Variants in MAGI1 observed in about 807,000 individuals in gnomAD.
MAGI1 encodes the protein membrane associated guanylate kinase, WW and PDZ domain containing 1, also known as membrane-associated guanylate kinase, WW and PDZ domain-containing protein 1.
MAGI1 carries 58 observed loss-of-function variants against 139.9 expected under a neutral mutation model. The ratio of observed to expected loss-of-function variants is 0.41; its 90% confidence interval spans 0.34 to 0.52. The LOEUF is 0.52. MAGI1 is among the 20% of genes least tolerant of loss of function. MAGI1 has a pLI of 0.12. For synonymous variants in MAGI1, 812 were observed against 737.9 expected (o/e 1.10, Z -1.63); for missense variants, 1,874 against 1,901.6 (o/e 0.99, Z 0.27).
Position 66,001,589 on chromosome 3 carries a change from C to T in MAGI1, c.313+36407G>A, listed in dbSNP as rs535379835. On this transcript the variant is annotated intron_variant, in intron 1 of 22. Coordinates refer to ENST00000402939, the MANE Select transcript of MAGI1 (RefSeq NM_001033057.2). The stretch of plus-strand genomic sequence containing the variant: ...TATCCCTGTTTTATACAGGGGGAAA[C>T]TGAGGCTCAGACAGGTTACATAACA... 2.6e-5 allele frequency among the ~76,000 whole-genome samples: 4 copies of T among 152,268 alleles called. No homozygotes were observed. In the East Asian group the frequency reaches 5.8e-4, roughly 22 times the overall value.
At position 65,501,453 on chromosome 3, in the gene MAGI1, C is replaced by CAAAAAAAA. The variant is rs35967662; in HGVS notation, c.431-7830_431-7823dup. Among the ~76,000 whole-genome samples, 33 of 80,570 alleles carry CAAAAAAAA rather than the reference C, an allele frequency of 4.1e-4. 1 individual carries two copies. The highest frequency in any genetic ancestry group is 1.7e-3 in the South Asian group (3 of 1,772). The allele number at this position is 80,570 out of a possible 152,430, so 52.9% of individuals were successfully genotyped here. ...TGGGCAACATAGCGAGACTCTGTCT[C>CAAAAAAAA]AAAAAAAAAAAAAAAAAAAAAATTT... On this transcript the variant is annotated intron_variant, in intron 2 of 22. Transcript: ENST00000402939.
chr3:65,776,265 G>A (rs1263551358), intron 1 of MAGI1, among the ~76,000 whole-genome samples: 1 of 107,760 alleles, frequency 9.3e-6, no homozygotes, highest in Non-Finnish European at 2.0e-5. Context: ...TTTTTTTTAT[G>A]GCTTCTGAAT....
intron 9 of MAGI1, among the ~76,000 whole-genome samples, chr3:65,437,967 T>A (rs1403996332): frequency 6.6e-6 from 1 of 152,182 alleles, no homozygotes; most frequent in Non-Finnish European, 1.5e-5. Flanking sequence ...ACACTGTCGA[T>A]GAGAATGTAA....
chr3:65,846,401 G>A (rs2058996006), intron 1 of MAGI1, among the ~76,000 whole-genome samples: 1 of 152,200 alleles, frequency 6.6e-6, no homozygotes, highest in Admixed American at 6.5e-5. Context: ...GACAATGGAT[G>A]CAGGTTTGGC....
chr3:65,957,947 G>C (rs1469541818), intron 1 of MAGI1, among the ~76,000 whole-genome samples: 1 of 151,550 alleles, frequency 6.6e-6, no homozygotes, highest in Non-Finnish European at 1.5e-5. Flanking sequence ...TTTGTAGAAA[G>C]GGGGTTTCAC....
intron 1 of MAGI1, among the ~76,000 whole-genome samples, chr3:65,978,678 G>T (rs1232775858): frequency 3.4e-5 from 5 of 148,452 alleles, no homozygotes; most frequent in African/African-American, 1.3e-4. Context: ...GCCCAGGCTG[G>T]AGTGCAATGG....
chr3:65,812,466 T>TCACACACACACACACA (rs1432887484), intron 1 of MAGI1, among the ~76,000 whole-genome samples: 9 of 87,752 alleles, frequency 1.0e-4, no homozygotes, highest in African/African-American at 3.2e-4. Context: ...TCTCTCTCTC[T>TCACACACACACACACA]CTCACACACA....
At chr3:65,642,360 T>C (rs568843369) in intron 1 of MAGI1, among the ~76,000 whole-genome samples, 1 of 152,314 alleles carries the variant, frequency 6.6e-6, no homozygotes, top group South Asian at 2.1e-4. Context: ...ATTCTGCCAC[T>C]GGTCAAACAT....
At chr3:65,695,486 G>A (rs574977809) in intron 1 of MAGI1, among the ~76,000 whole-genome samples, 1 of 152,178 alleles carries the variant, frequency 6.6e-6, no homozygotes, top group African/African-American at 2.4e-5. Context: ...CCTCTGCTTA[G>A]ACTGCCCATT....
In MAGI1 at chr3:65,356,388, A is replaced by C. The variant is rs745485618; in HGVS notation, c.4379T>G (p.Leu1460Arg). 2 of 1,585,142 alleles carry C rather than the reference A, an allele frequency of 1.3e-6. No individual in the cohort carries two copies. The highest frequency in any genetic ancestry group is 1.8e-5 in the Admixed American group (1 of 54,618). ...RRPYKECSTD[L>R]SI ...ATGTGACTCAGCGTCTCAGATACTG[A>C]GGTCGGTGCTACATTCTTTGTAAGG... Residue 1460 changes from leucine (L) to arginine (R), a missense_variant, in exon 23 of 23, where the codon CTC (leucine) becomes CGC (arginine). Leu to Arg is a moderately radical substitution (Grantham distance 102). Coordinates refer to ENST00000402939, the MANE Select transcript of MAGI1 (RefSeq NM_001033057.2).
intron 12 of MAGI1, among the ~76,000 whole-genome samples, chr3:65,415,494 G>GC (rs1188089160): frequency 6.6e-6 from 1 of 152,188 alleles, no homozygotes; most frequent in Non-Finnish European, 1.5e-5. Flanking sequence ...CCCAGGGCTG[G>GC]CTCAGGCTGC....
intron 8 of MAGI1, 151 bp downstream of exon 8, chr3:65,442,641 C>G (rs945335914): frequency 1.9e-6 from 1 of 537,386 alleles, no homozygotes; most frequent in Non-Finnish European, 3.3e-6. Context: ...AATATTTTCT[C>G]ATTCATTAAT....
At chr3:65,400,520 T>C (rs1944779849) in intron 13 of MAGI1, among the ~76,000 whole-genome samples, 1 of 152,082 alleles carries the variant, frequency 6.6e-6, no homozygotes, top group Non-Finnish European at 1.5e-5. Flanking sequence ...GAAACATCCC[T>C]CTTTATCCTA....
At chr3:65,950,684 T>G (rs576688797) in intron 1 of MAGI1, among the ~76,000 whole-genome samples, 23 of 152,210 alleles carry the variant, frequency 1.5e-4, no homozygotes, top group Admixed American at 1.3e-4. Context: ...CTTCAACTGG[T>G]TGGAACGGAA....
Position 65,822,357 on chromosome 3 carries a change from G to A in MAGI1, c.314-200269C>T, listed in dbSNP as rs567595622. 2.5e-3 allele frequency among the ~76,000 whole-genome samples: 386 copies of A among 151,940 alleles called. 3 individuals carry two copies. The highest frequency in any genetic ancestry group is 7.9e-3 in the African/African-American group (326 of 41,438). On this transcript the variant is annotated intron_variant, in intron 1 of 22. Transcript: ENST00000402939. ...AGCCTGGCCAACATGGTGCAACCCC[G>A]TCTCTACTAAAAATACAAAAATTAG... is the stretch of plus-strand genomic sequence containing the variant.
chr3:66,025,710 CTGTG>C (rs762351762), intron 1 of MAGI1, among the ~76,000 whole-genome samples: 1 of 151,740 alleles, frequency 6.6e-6, no homozygotes, highest in South Asian at 2.1e-4. Context: ...GTGTGTGTGT[CTGTG>C]TGTGTGTATG....
intron 13 of MAGI1, among the ~76,000 whole-genome samples, chr3:65,392,253 A>G (rs766550756): frequency 6.6e-6 from 1 of 152,230 alleles, no homozygotes; most frequent in Non-Finnish European, 1.5e-5. Context: ...AATGGAGAGT[A>G]AGACCTAATG....
At chr3:65,482,634 T>C (rs1175377146) in intron 3 of MAGI1, among the ~76,000 whole-genome samples, 1 of 152,342 alleles carries the variant, frequency 6.6e-6, no homozygotes, top group African/African-American at 2.4e-5. Flanking sequence ...GATAGTGTTA[T>C]AATTATCCAA....
intron 1 of MAGI1, among the ~76,000 whole-genome samples, chr3:65,673,143 T>C (rs1233338707): frequency 6.6e-6 from 1 of 152,130 alleles, no homozygotes; most frequent in Non-Finnish European, 1.5e-5. Context: ...TAAGATTCGA[T>C]GACTGAAGTT....
Sources: gnomAD v4.1 joint callset for allele counts (sites outside exome capture counted in the v4.1 genomes callset) on GRCh38, gnomAD v4.1.1 for gene constraint, MANE v1.5 for transcripts, NCBI Gene and HGNC (gene_info 2026-07-23, HGNC 2026-07-21) for gene names.